The following B3GAT2 variants were observed in gnomAD, a reference collection of about 807,000 sequenced individuals.
The protein encoded by B3GAT2 is beta-1,3-glucuronyltransferase 2, also known as galactosylgalactosylxylosylprotein 3-beta-glucuronosyltransferase 2.
A neutral mutation model predicts 27.8 loss-of-function variants in B3GAT2; 26 were observed. The observed-to-expected ratio is 0.93, with a 90% CI of 0.68 to 1.30. B3GAT2 has a LOEUF of 1.30. B3GAT2 is among the 50% of genes most tolerant of loss of function. The pLI, the probability that B3GAT2 is intolerant of heterozygous loss-of-function variation, is 0.00. For synonymous variants in B3GAT2, 218 were observed against 195.1 expected, an observed-to-expected ratio of 1.12 and a Z score of -0.98; for missense variants, 458 against 459.0, an observed-to-expected ratio of 1.00 and a Z score of 0.02.
At chr6:70,919,265 T>G (rs1000414777) in intron 1 of B3GAT2, among the ~76,000 whole-genome samples, 2 of 152,250 alleles carry the variant, frequency 1.3e-5, no homozygotes, top group Admixed American at 1.3e-4. Flanking sequence ...TATATTCTTC[T>G]CTACACTGGT....
intron 1 of B3GAT2, among the ~76,000 whole-genome samples, chr6:70,948,986 T>C (rs369550813): frequency 3.1e-4 from 47 of 151,684 alleles, no homozygotes; most frequent in African/African-American, 7.0e-4. Context: ...ATAAATGGTG[T>C]TGGGAAAACT....
intron 2 of B3GAT2, among the ~76,000 whole-genome samples, chr6:70,864,246 A>AG (rs774925974): frequency 9.2e-5 from 14 of 151,948 alleles, no homozygotes; most frequent in Non-Finnish European, 1.8e-4. Flanking sequence ...CCTGGATCTG[A>AG]TTTCCTTCAT....
At chr6:70,883,057 T>C (rs1772123586) in intron 2 of B3GAT2, among the ~76,000 whole-genome samples, 1 of 152,118 alleles carries the variant, frequency 6.6e-6, no homozygotes, top group South Asian at 2.1e-4. Flanking sequence ...AAAAAACTAA[T>C]ACAACAAAAC....
intron 1 of B3GAT2, among the ~76,000 whole-genome samples, chr6:70,946,861 C>T (rs1283510970): frequency 1.3e-5 from 2 of 151,452 alleles, no homozygotes; most frequent in Non-Finnish European, 2.9e-5. Context: ...TGCAAAAGAA[C>T]AGAAATTATA....
intron 2 of B3GAT2, among the ~76,000 whole-genome samples, chr6:70,874,087 T>C (rs945466133): frequency 6.6e-6 from 1 of 152,186 alleles, no homozygotes; most frequent in Non-Finnish European, 1.5e-5. Flanking sequence ...CTGCTTTCTT[T>C]TTTGTGTATT....
intron 1 of B3GAT2, among the ~76,000 whole-genome samples, chr6:70,927,503 C>A (rs1288310177): frequency 1.3e-5 from 2 of 152,014 alleles, no homozygotes; most frequent in Non-Finnish European, 2.9e-5. Context: ...AAATGGAAAG[C>A]AAAAAAACCG....
chr6:70,900,125 C>G (rs1442462000), intron 1 of B3GAT2, among the ~76,000 whole-genome samples: 1 of 152,210 alleles, frequency 6.6e-6, no homozygotes, highest in African/African-American at 2.4e-5. Flanking sequence ...AAGTCATATT[C>G]TGTGGTTTAT....
At chr6:70,906,672 C>T (rs1300287128) in intron 1 of B3GAT2, among the ~76,000 whole-genome samples, 1 of 152,192 alleles carries the variant, frequency 6.6e-6, no homozygotes, top group Admixed American at 6.5e-5. Context: ...CACACTCCTA[C>T]TTTTTCCTCA....
chr6:70,915,660 G>A (rs1208432275), intron 1 of B3GAT2, among the ~76,000 whole-genome samples: 4 of 152,166 alleles, frequency 2.6e-5, no homozygotes, highest in African/African-American at 2.4e-5. Context: ...TATTAAATAG[G>A]GAATCCTTTC....
At chr6:70,905,261 G>A (rs919962373) in intron 1 of B3GAT2, among the ~76,000 whole-genome samples, 5 of 152,134 alleles carry the variant, frequency 3.3e-5, no homozygotes, top group African/African-American at 7.2e-5. Context: ...TTACTGCTTT[G>A]GAAGTCCCCC....
intron 2 of B3GAT2, among the ~76,000 whole-genome samples, chr6:70,889,307 G>A (rs867551844): frequency 1.8e-4 from 27 of 151,958 alleles, no homozygotes; most frequent in Non-Finnish European, 3.5e-4. Context: ...AAAGAAAGAG[G>A]AAAAAGCTGT....
intron 1 of B3GAT2, among the ~76,000 whole-genome samples, chr6:70,945,097 A>G (rs1012696796): frequency 4.6e-5 from 7 of 152,150 alleles, no homozygotes; most frequent in Admixed American, 6.6e-5. Context: ...AAAGACCAAA[A>G]GTAGATAAAA....
intron 1 of B3GAT2, among the ~76,000 whole-genome samples, chr6:70,913,919 T>C (rs572594810): frequency 6.6e-6 from 1 of 152,360 alleles, no homozygotes; most frequent in East Asian, 1.9e-4. Flanking sequence ...TAAGTCTTCT[T>C]GTTGAATTGA....
intron 1 of B3GAT2, among the ~76,000 whole-genome samples, chr6:70,900,471 C>T (rs1347982969): frequency 6.6e-6 from 1 of 152,106 alleles, no homozygotes; most frequent in Non-Finnish European, 1.5e-5. Flanking sequence ...TCACTGCAGC[C>T]CCCAACTCCT....
intron 1 of B3GAT2, among the ~76,000 whole-genome samples, chr6:70,940,119 G>T (rs1450993052): frequency 6.6e-6 from 1 of 151,888 alleles, no homozygotes; most frequent in Non-Finnish European, 1.5e-5. Flanking sequence ...CAGGTAAGAA[G>T]GGGCAACCAC....
chr6:70,951,855 G>C (rs1765582455), intron 1 of B3GAT2, among the ~76,000 whole-genome samples: 1 of 152,026 alleles, frequency 6.6e-6, no homozygotes, highest in Non-Finnish European at 1.5e-5. Context: ...GCACATTTCA[G>C]GTAAAATGGT....
At chr6:70,867,904 C>T (rs1319501465) in intron 2 of B3GAT2, among the ~76,000 whole-genome samples, 1 of 152,040 alleles carries the variant, frequency 6.6e-6, no homozygotes, top group Non-Finnish European at 1.5e-5. Flanking sequence ...CAGAAAAATT[C>T]TCAAAATTTT....
chr6:70,954,921 G>T (rs1427105918), intron 1 of B3GAT2, among the ~76,000 whole-genome samples: 3 of 151,584 alleles, frequency 2.0e-5, no homozygotes, highest in African/African-American at 7.3e-5. Flanking sequence ...GCGGCGGGGG[G>T]GGGCGGTGCG....
At chr6:70,916,588 G>A (rs939566150) in intron 1 of B3GAT2, among the ~76,000 whole-genome samples, 21 of 152,150 alleles carry the variant, frequency 1.4e-4, no homozygotes, top group African/African-American at 4.8e-4. Flanking sequence ...CTAGTTTATT[G>A]AGAGTTTTTA....
Sources: gnomAD v4.1 joint callset for allele counts (sites outside exome capture counted in the v4.1 genomes callset) on GRCh38, gnomAD v4.1.1 for gene constraint, MANE v1.5 for transcripts, NCBI Gene and HGNC (gene_info 2026-07-23, HGNC 2026-07-21) for gene names.